The following LAMA2 variants were observed in gnomAD, a reference collection of about 807,000 sequenced individuals.
LAMA2 encodes laminin subunit alpha-2.
In LAMA2, 269 loss-of-function variants were observed where a neutral mutation model predicts 364.8. The observed-to-expected ratio is 0.74, with a 90% CI of 0.67 to 0.82. The LOEUF is 0.82. Ranked by LOEUF, LAMA2 falls within the 40% of genes least tolerant of loss-of-function variation. The probability of loss-of-function intolerance (pLI) is 0.00; values close to 1 mark genes in which losing one functional copy is unlikely to be tolerated. For missense variants in LAMA2, 3,807 were observed against 3,873.2 expected, an observed-to-expected ratio of 0.98 and a Z score of 0.45; for synonymous variants, 1,379 against 1,370.6, an observed-to-expected ratio of 1.01 and a Z score of -0.14.
At chr6:129,014,207 G>C (rs570097188) in intron 1 of LAMA2, among the ~76,000 whole-genome samples, 1 of 152,270 alleles carries the variant, frequency 6.6e-6, no homozygotes, top group Middle Eastern at 3.4e-3. Flanking sequence ...CATCTAAATA[G>C]AACTATTGAT....
intron 20 of LAMA2, among the ~76,000 whole-genome samples, chr6:129,293,590 G>A (rs950564347): frequency 5.3e-5 from 8 of 152,098 alleles, no homozygotes; most frequent in Non-Finnish European, 7.4e-5. Flanking sequence ...TACCCAAAAC[G>A]GGGAAAGTTG....
At chr6:129,502,075 G>A (rs1011500960) in intron 58 of LAMA2, among the ~76,000 whole-genome samples, 10 of 152,326 alleles carry the variant, frequency 6.6e-5, no homozygotes, top group African/African-American at 2.4e-4. Context: ...ATGGTGTATG[G>A]TGGGTTACAT....
At chr6:128,985,569 A>G (rs754936108) in intron 1 of LAMA2, among the ~76,000 whole-genome samples, 60 of 152,292 alleles carry the variant, frequency 3.9e-4, no homozygotes, top group Non-Finnish European at 7.5e-4. Context: ...CCAATGCCTT[A>G]AAAATGTTTT....
Position 129,192,827 on chromosome 6 carries a change from G to A in LAMA2, c.1756G>A (p.Ala586Thr), listed in dbSNP as rs752648056. 1.2e-6 allele frequency: 2 copies of A among 1,614,070 alleles called. No homozygotes were observed. Among genetic ancestry groups the A allele is most frequent in the Non-Finnish European group, 8.5e-7 (1 of 1,179,964 alleles). ...CCTGCCGCACAGCTACTACTGGAGC[G>A]CGCCGGCTCCCTATCTGGGAAACAA... ...QALPHSYYWS[A>T]PAPYLGNKLP... The change falls in exon 12 of 65, where the codon GCG (alanine) becomes ACG (threonine). Residue 586 changes from alanine (A) to threonine (T), a missense_variant. Physicochemically the swap from Ala to Thr is moderately conservative, Grantham distance 58. Around this residue, in one of 3 missense-constraint regions of LAMA2, gnomAD observed 3,333 missense variants for 3,345.7 expected, o/e 1.00. Transcript: ENST00000421865.
intron 58 of LAMA2, among the ~76,000 whole-genome samples, chr6:129,501,224 G>A (rs956667813): frequency 5.9e-5 from 9 of 151,998 alleles, no homozygotes; most frequent in Admixed American, 3.3e-4. Context: ...CTTTCCATTC[G>A]GGCTCTTTTT....
At chr6:129,024,062 A>G (rs1785633990) in intron 1 of LAMA2, among the ~76,000 whole-genome samples, 1 of 152,166 alleles carries the variant, frequency 6.6e-6, no homozygotes, top group African/African-American at 2.4e-5. Flanking sequence ...AATTGAAAGG[A>G]TATTTTAGCA....
chr6:129,495,243 T>A (rs1240194422), intron 58 of LAMA2, among the ~76,000 whole-genome samples: 2 of 152,240 alleles, frequency 1.3e-5, no homozygotes, highest in Non-Finnish European at 2.9e-5. Flanking sequence ...ATTACATTTA[T>A]GTGTCCTCTG....
chr6:129,120,848 TG>T (rs11311579), intron 4 of LAMA2, among the ~76,000 whole-genome samples: 39,409 of 152,084 alleles, frequency 0.26, 5,954 homozygotes, highest in African/African-American at 0.43. Context: ...AATGTAGAAG[TG>T]GGCATTATAG....
chr6:129,490,404 T>A (rs1213357980), intron 56 of LAMA2, among the ~76,000 whole-genome samples: 1 of 152,026 alleles, frequency 6.6e-6, no homozygotes, highest in Non-Finnish European at 1.5e-5. Flanking sequence ...TGAATTGGTT[T>A]AAAAAAAATA....
intron 12 of LAMA2, among the ~76,000 whole-genome samples, chr6:129,208,888 AACTG>A (rs1459695196): frequency 3.3e-5 from 5 of 152,218 alleles, no homozygotes; most frequent in African/African-American, 4.8e-5. Flanking sequence ...TATACAAAGT[AACTG>A]ACTGTCAGGA....
At chr6:128,951,600 T>C (rs912137529) in intron 1 of LAMA2, among the ~76,000 whole-genome samples, 1 of 152,182 alleles carries the variant, frequency 6.6e-6, no homozygotes, top group African/African-American at 2.4e-5. Flanking sequence ...TATAGTGATC[T>C]GAGGGAGTAA....
Position 129,503,095 on chromosome 6 carries a change from AC to A in LAMA2, c.8363del (p.Thr2788LysfsTer6), listed in dbSNP as rs2114890695. ...FDDTKVKNRL[T>X]IELEVRTEAE... Reference sequence around the variant, plus strand: ...TTGCATGCTTTTGTTTCACAGTCTCACAATTGAGTTGGAAGTAAGAACCGAA... The same window carrying A: ...TTGCATGCTTTTGTTTCACAGTCTCAAATTGAGTTGGAAGTAAGAACCGAA... On this transcript the variant is annotated frameshift_variant, in exon 60 of 65. Coordinates refer to ENST00000421865, the MANE Select transcript of LAMA2 (RefSeq NM_000426.4). LOFTEE classifies it high-confidence loss of function. The A allele has an allele frequency of 6.2e-7, 1 of 1,613,884 alleles. No individual in the cohort carries two copies. Among genetic ancestry groups the A allele is most frequent in the Non-Finnish European group, 8.5e-7 (1 of 1,179,790 alleles).
chr6:128,965,346 T>C (rs1020374818), intron 1 of LAMA2, among the ~76,000 whole-genome samples: 33 of 152,160 alleles, frequency 2.2e-4, no homozygotes, highest in Admixed American at 5.9e-4. Context: ...TTTATTTTTC[T>C]CTTGTGCAAG....
At chr6:129,023,780 A>G (rs1342625915) in intron 1 of LAMA2, among the ~76,000 whole-genome samples, 1 of 152,128 alleles carries the variant, frequency 6.6e-6, no homozygotes, top group Non-Finnish European at 1.5e-5. Context: ...CATTCCTCTG[A>G]TGTCTTTTCC....
At chr6:129,190,394 G>T in intron 11 of LAMA2, 49 bp downstream of exon 11, 1 of 1,594,470 alleles carries the variant, frequency 6.3e-7, no homozygotes, top group Non-Finnish European at 8.6e-7. Context: ...AGCCTTCTTT[G>T]TTGCTTTCAT....
intron 1 of LAMA2, among the ~76,000 whole-genome samples, chr6:128,937,940 G>A (rs918915274): frequency 6.6e-5 from 10 of 150,788 alleles, no homozygotes; most frequent in African/African-American, 2.2e-4. Flanking sequence ...CTCTTAGAAC[G>A]TCTTTTGCTG....
chr6:129,004,675 A>C (rs1784331500), intron 1 of LAMA2, among the ~76,000 whole-genome samples: 1 of 152,184 alleles, frequency 6.6e-6, no homozygotes, highest in South Asian at 2.1e-4. Flanking sequence ...TTTAGTTTGC[A>C]AATTAAGAAT....
intron 14 of LAMA2, among the ~76,000 whole-genome samples, chr6:129,255,405 C>A (rs185055298): frequency 0.095 from 3,212 of 33,850 alleles, 156 homozygotes; most frequent in Middle Eastern, 0.23. Context: ...GACTCTGTCT[C>A]AAAAAAAAAA....
intron 1 of LAMA2, among the ~76,000 whole-genome samples, chr6:129,048,252 G>A (rs143678906): frequency 1.3e-3 from 195 of 152,042 alleles, no homozygotes; most frequent in African/African-American, 3.9e-3. Context: ...CTAATTATTC[G>A]TTTATTTTAC....
Sources: allele counts gnomAD v4.1 joint callset (sites outside exome capture counted in the v4.1 genomes callset), GRCh38; gene constraint gnomAD v4.1.1; regional missense constraint gnomAD v4.1.1; transcripts MANE v1.5; gene names NCBI Gene and HGNC (gene_info 2026-07-23, HGNC 2026-07-21).